The following FAM219A variants were observed in gnomAD, a reference collection of about 807,000 sequenced individuals.
FAM219A encodes the protein protein FAM219A.
A neutral mutation model predicts 23.4 loss-of-function variants in FAM219A; 7 were observed. The observed-to-expected ratio is 0.30, with a 90% confidence interval of 0.17 to 0.56. The LOEUF (loss-of-function observed/expected upper bound fraction) is 0.56, where lower values mean the gene tolerates loss of function less well. FAM219A is among the 20% of genes least tolerant of loss of function. The probability of loss-of-function intolerance (pLI) is 0.92; values close to 1 mark genes in which losing one functional copy is unlikely to be tolerated. For synonymous variants in FAM219A, 93 were observed against 99.0 expected (o/e 0.94, Z 0.36); for missense variants, 166 against 246.9 (o/e 0.67, Z 2.20).
intron 1 of FAM219A, among the ~76,000 whole-genome samples, chr9:34,420,906 A>G (rs1822245353): frequency 6.6e-6 from 1 of 151,902 alleles, no homozygotes; most frequent in Non-Finnish European, 1.5e-5. Flanking sequence ...CTTGAGCCTG[A>G]GAAGTTGAGG....
intron 1 of FAM219A, among the ~76,000 whole-genome samples, chr9:34,418,976 G>A (rs1450913666): frequency 6.6e-6 from 1 of 152,126 alleles, no homozygotes; most frequent in Non-Finnish European, 1.5e-5. Context: ...TCAGGAGGCT[G>A]AGGTAGGAGA....
intron 1 of FAM219A, among the ~76,000 whole-genome samples, chr9:34,424,068 C>G (rs945899359): frequency 1.3e-5 from 2 of 152,090 alleles, no homozygotes; most frequent in African/African-American, 2.4e-5. Flanking sequence ...CAGCTACGGT[C>G]AGAGGGGTAG....
intron 1 of FAM219A, among the ~76,000 whole-genome samples, chr9:34,420,189 T>C (rs1266667237): frequency 6.6e-6 from 1 of 152,070 alleles, no homozygotes; most frequent in East Asian, 1.9e-4. Flanking sequence ...CAAGCCCTGG[T>C]TCTTGCCAAG....
rs114116467 is a variant in FAM219A at position 34,409,174 on chromosome 9, C to T, written c.61-3210G>A. On this transcript the variant is annotated intron_variant, in intron 1 of 5. Transcript: ENST00000651358. ...CCATGCAAAGCCCACCATTCAGCAT[C>T]TCCTCCATCACTATCCATGACAGAA... 5.5e-3 allele frequency among the ~76,000 whole-genome samples: 834 copies of T among 152,364 alleles called. 7 individuals carry two copies. The highest frequency in any genetic ancestry group is 0.019 in the African/African-American group (780 of 41,584).
At chr9:34,448,920 A>C (rs1823462012) in intron 1 of FAM219A, among the ~76,000 whole-genome samples, 1 of 151,850 alleles carries the variant, frequency 6.6e-6, no homozygotes, top group African/African-American at 2.4e-5. Flanking sequence ...TGACAGGTGC[A>C]CCAAAATCTC....
intron 1 of FAM219A, among the ~76,000 whole-genome samples, chr9:34,441,128 G>T (rs1001241098): frequency 2.0e-5 from 3 of 152,158 alleles, no homozygotes; most frequent in Admixed American, 6.5e-5. Flanking sequence ...CTCCCGGCTT[G>T]TAGCCCAGCT....
chr9:34,414,263 T>C (rs981663194), intron 1 of FAM219A, among the ~76,000 whole-genome samples: 1 of 152,248 alleles, frequency 6.6e-6, no homozygotes, highest in Non-Finnish European at 1.5e-5. Flanking sequence ...GCTCTTACTC[T>C]GCAGTATGAC....
chr9:34,415,881 A>G (rs1353007857), intron 1 of FAM219A, among the ~76,000 whole-genome samples: 1 of 152,148 alleles, frequency 6.6e-6, no homozygotes, highest in Non-Finnish European at 1.5e-5. Flanking sequence ...AACACAAGAG[A>G]TGGTGAGAGT....
chr9:34,439,025 C>A (rs982455267), intron 1 of FAM219A, among the ~76,000 whole-genome samples: 1 of 151,596 alleles, frequency 6.6e-6, no homozygotes, highest in African/African-American at 2.4e-5. Flanking sequence ...CCGGGAGGAA[C>A]GAACAACTCC....
At chr9:34,444,997 T>C (rs947719654) in intron 1 of FAM219A, among the ~76,000 whole-genome samples, 2 of 152,248 alleles carry the variant, frequency 1.3e-5, no homozygotes, top group African/African-American at 2.4e-5. Context: ...GTGTCTTGCA[T>C]ATAGCAGATG....
At chr9:34,416,208 A>AAAGAAAG (rs1183014685) in intron 1 of FAM219A, among the ~76,000 whole-genome samples, 2 of 119,448 alleles carry the variant, frequency 1.7e-5, no homozygotes, top group Admixed American at 1.7e-4. Context: ...AGAAAGAAAG[A>AAAGAAAG]AAGAAAGAAA....
intron 1 of FAM219A, among the ~76,000 whole-genome samples, chr9:34,410,285 G>A (rs1163540501): frequency 1.3e-5 from 2 of 152,190 alleles, no homozygotes; most frequent in Non-Finnish European, 2.9e-5. Flanking sequence ...GCTGTGGGTA[G>A]TGCAGTCAAT....
Position 34,458,153 on chromosome 9 carries a change from CTCAAGCGA to C in FAM219A, c.60+43_60+50del. ...CCCCGGCCTGATTCCCTCCCTCCCC[CTCAAGCGA>C]CGCCCCCTCCGGCCTTGGCCTGCCC... On this transcript the variant is annotated intron_variant, in intron 1 of 5. Coordinates refer to ENST00000651358, the MANE Select transcript of FAM219A (RefSeq NM_001184940.2). This position sits in a 1 kb window ranked among gnomAD's most constrained non-coding sequence, Gnocchi z 6.6. 6.5e-7 allele frequency: 1 copy of C among 1,536,854 alleles called. No individual in the cohort carries two copies. The highest frequency in any genetic ancestry group is 8.7e-7 in the Non-Finnish European group (1 of 1,144,872).
In FAM219A at chr9:34,458,075, T is replaced by C. The variant is rs577269381; in HGVS notation, c.60+129A>G. On this transcript the variant is annotated intron_variant, in intron 1 of 5. Coordinates refer to ENST00000651358, the MANE Select transcript of FAM219A (RefSeq NM_001184940.2). The surrounding 1 kb of genome is among the most constrained non-coding windows in gnomAD (Gnocchi z 6.6). ...CCTGCAAGTCCCCGTCCCCCGGCAA[T>C]ACGTTTTCAGGGATCTCTTTGCCCC... The C allele has an allele frequency of 3.7e-6, 3 of 821,598 alleles. No homozygotes were observed. Among genetic ancestry groups the C allele is most frequent in the South Asian group, 4.8e-5 (2 of 41,330 alleles). 50.9% of individuals were successfully genotyped at this position (821,598 alleles called of 1,614,324 possible).
At chr9:34,412,848 A>G (rs560051852) in intron 1 of FAM219A, among the ~76,000 whole-genome samples, 2 of 152,340 alleles carry the variant, frequency 1.3e-5, no homozygotes, top group Admixed American at 6.5e-5. Context: ...AAGAGTAGAA[A>G]CAGAGCCCAG....
intron 1 of FAM219A, among the ~76,000 whole-genome samples, chr9:34,407,962 A>G (rs185037237): frequency 6.6e-6 from 1 of 152,324 alleles, no homozygotes; most frequent in East Asian, 1.9e-4. Context: ...GAAAGGGAAA[A>G]GTCTAGCAGG....
chr9:34,435,049 G>A (rs1822852618), intron 1 of FAM219A, among the ~76,000 whole-genome samples: 1 of 152,168 alleles, frequency 6.6e-6, no homozygotes. Flanking sequence ...TTGAACTCCT[G>A]AGCTCAAGTG....
At position 34,398,276 on chromosome 9, in the gene FAM219A, A is replaced by T. The variant is rs1464909458; in HGVS notation, c.*2688T>A. 1.3e-6 allele frequency: 2 copies of T among 1,550,552 alleles called. No homozygotes were observed. Among genetic ancestry groups the T allele is most frequent in the Non-Finnish European group, 1.7e-6 (2 of 1,146,924 alleles). ...TACTGCAATGAAAATGTTAAAAAAA[A>T]TATTATACACGGCTCATGTCTTCCA... On this transcript the variant is annotated 3_prime_UTR_variant, in exon 6 of 6. Coordinates refer to ENST00000651358, the MANE Select transcript of FAM219A (RefSeq NM_001184940.2).
At chr9:34,446,093 A>G (rs1160931906) in intron 1 of FAM219A, among the ~76,000 whole-genome samples, 3 of 151,692 alleles carry the variant, frequency 2.0e-5, no homozygotes, top group Non-Finnish European at 2.9e-5. Flanking sequence ...GAATTGCTTG[A>G]ACCTGGGAGG....
Sources: allele counts gnomAD v4.1 joint callset (sites outside exome capture counted in the v4.1 genomes callset), GRCh38; gene constraint gnomAD v4.1.1; non-coding constraint Gnocchi (gnomAD v3.1); transcripts MANE v1.5; gene names NCBI Gene and HGNC (gene_info 2026-07-23, HGNC 2026-07-21).